Variants in BCL10 observed in about 807,000 individuals in gnomAD.
The protein encoded by BCL10 is B-cell lymphoma/leukemia 10.
BCL10 carries 5 observed loss-of-function variants against 19.2 expected under a neutral mutation model. That is an observed-to-expected ratio of 0.26 (90% CI 0.14 to 0.55). BCL10 has a LOEUF of 0.55. Ranked by LOEUF, BCL10 falls within the 20% of genes least tolerant of loss-of-function variation. The probability of loss-of-function intolerance (pLI) is 0.94; values close to 1 mark genes in which losing one functional copy is unlikely to be tolerated. For missense variants in BCL10, 201 were observed against 271.9 expected, an observed-to-expected ratio of 0.74 and a Z score of 1.83; for synonymous variants, 110 against 98.8, an observed-to-expected ratio of 1.11 and a Z score of -0.67.
At chr1:85,271,506 G>GA (rs1311445802) in intron 1 of BCL10, among the ~76,000 whole-genome samples, 1 of 151,878 alleles carries the variant, frequency 6.6e-6, no homozygotes, top group Non-Finnish European at 1.5e-5. Context: ...GGGAGTGTTC[G>GA]AAAAATGAAA....
Position 85,266,304 on chromosome 1 carries a change from TTAA to T in BCL10, c.*1320_*1322del, listed in dbSNP as rs1289824605. 3 of 185,028 alleles carry T rather than the reference TTAA, an allele frequency of 1.6e-5. No individual in the cohort carries two copies. Among genetic ancestry groups the T allele is most frequent in the Non-Finnish European group, 3.4e-5 (3 of 87,328 alleles). The allele number at this position is 185,028 out of a possible 1,614,324, so 11.5% of individuals were successfully genotyped here. A position where few individuals can be genotyped will look rare whatever the true frequency, so the allele number is the denominator to read the frequency against. ...AATTTCCATTTCTATGTTTTTGCAA[TTAA>T]TAATAGAAATATATAGGAGACAATG... On this transcript the variant is annotated 3_prime_UTR_variant, in exon 3 of 3. Transcript: ENST00000648566.
chr1:85,275,409 C>G (rs1660492647), intron 1 of BCL10, among the ~76,000 whole-genome samples: 1 of 152,120 alleles, frequency 6.6e-6, no homozygotes, highest in South Asian at 2.1e-4. Context: ...ATAAACCTTA[C>G]AGGGAAGAGG....
rs1660353173 is a variant in BCL10, at chr1:85,270,862, A to G, written c.102T>C (p.Ala34=). 1 of 1,613,066 alleles carries G rather than the reference A, an allele frequency of 6.2e-7. No homozygotes were observed. The highest frequency in any genetic ancestry group is 8.5e-7 in the Non-Finnish European group (1 of 1,179,998). Residue 34 remains alanine (A), a synonymous_variant, in exon 2 of 3, where the codon GCT becomes GCC. Coordinates refer to ENST00000648566, the MANE Select transcript of BCL10 (RefSeq NM_003921.5). ...LRVYLCEKII[A]ERHFDHLRAK... ...CACGTAGATGATCAAAATGTCTCTC[A>G]GCTATGATTTTCTCACACAGGTATA...
chr1:85,266,562 G>C lies in BCL10; in HGVS notation c.*1065C>G, dbSNP rs1281684333. On this transcript the variant is annotated 3_prime_UTR_variant, in exon 3 of 3. Coordinates refer to ENST00000648566, the MANE Select transcript of BCL10 (RefSeq NM_003921.5). ...TCATTAAAAGAGAATGAAAAGTACA[G>C]AGAAAATATTTTTTAAAAATCTCAT... 1 of 182,490 alleles carries C rather than the reference G, an allele frequency of 5.5e-6. No homozygotes were observed. The highest frequency in any genetic ancestry group is 2.4e-5 in the African/African-American group (1 of 42,496). The allele number at this position is 182,490 out of a possible 1,614,324, so 11.3% of individuals were successfully genotyped here. A position where few individuals can be genotyped will look rare whatever the true frequency, so the allele number is the denominator to read the frequency against.
intron 1 of BCL10, 92 bp from the exon 2 acceptor site, chr1:85,270,998 A>T: frequency 7.6e-7 from 1 of 1,312,018 alleles, no homozygotes; most frequent in Non-Finnish European, 1.1e-6. Flanking sequence ...CTGGTGTGAG[A>T]CAATGTTCTA....
rs550602351 is a variant in BCL10, at chr1:85,269,957, G to C, written c.346+661C>G. On this transcript the variant is annotated intron_variant, in intron 2 of 2. Coordinates refer to ENST00000648566, the MANE Select transcript of BCL10 (RefSeq NM_003921.5). ...TTACTTCATCTTGTGATCAACTGGTGATCATAAGAAAAACTAGCAGAGTTG... is the reference window on the plus strand; with the variant it reads ...TTACTTCATCTTGTGATCAACTGGTCATCATAAGAAAAACTAGCAGAGTTG... 1.2e-3 allele frequency among the ~76,000 whole-genome samples: 177 copies of C among 152,282 alleles called. 2 individuals carry two copies. The highest frequency in any genetic ancestry group is 3.5e-3 in the African/African-American group (145 of 41,574).
Position 85,276,474 on chromosome 1 carries a change from G to T in BCL10, c.-122C>A, listed in dbSNP as rs1060843. On this transcript the variant is annotated 5_prime_UTR_variant, in exon 1 of 3. Transcript: ENST00000648566. Reference sequence around the variant, plus strand: ...AAGGAGAGGAGGCGGAGCGGGTCGGGAGAAAGACGGCCGCCCCTTCGGGAA... The same window carrying T: ...AAGGAGAGGAGGCGGAGCGGGTCGGTAGAAAGACGGCCGCCCCTTCGGGAA... 3.5e-6 allele frequency: 4 copies of T among 1,135,862 alleles called. No homozygotes were observed. In the African/African-American group the frequency reaches 6.1e-5, roughly 17 times the overall value. The allele number at this position is 1,135,862 out of a possible 1,614,324, so 70.4% of individuals were successfully genotyped here.
chr1:85,271,008 A>AG, intron 1 of BCL10, 102 bp from the exon 2 acceptor site: 2 of 1,223,114 alleles, frequency 1.6e-6, no homozygotes, highest in Non-Finnish European at 2.3e-6. Context: ...ACAATGTTCT[A>AG]AAGTCAGGAG....
Position 85,270,534 on chromosome 1 carries a change from A to G in BCL10, c.346+84T>C, listed in dbSNP as rs566490428. ...AGCAATCCTCCTGCCTTGGCCTCCT[A>G]AAGTGCAGGCACCTGGCCTGCTCTG... On this transcript the variant is annotated intron_variant, in intron 2 of 2. Transcript: ENST00000648566. 190 of 1,292,350 alleles carry G rather than the reference A, an allele frequency of 1.5e-4. No homozygotes were observed. The African/African-American group carries it at 2.6e-3, about 17-fold the overall frequency. The allele number at this position is 1,292,350 out of a possible 1,614,324, so 80.1% of individuals were successfully genotyped here. A position where few individuals can be genotyped will look rare whatever the true frequency, so the allele number is the denominator to read the frequency against.
At chr1:85,270,492 C>A (rs1163588046) in intron 2 of BCL10, 126 bp downstream of exon 2, 5 of 866,722 alleles carry the variant, frequency 5.8e-6, no homozygotes, top group Non-Finnish European at 8.7e-6. Context: ...AGGCTGGTCT[C>A]AAAACTCCTG....
intron 1 of BCL10, among the ~76,000 whole-genome samples, chr1:85,272,657 G>A (rs1291802921): frequency 6.6e-6 from 1 of 152,122 alleles, no homozygotes; most frequent in Admixed American, 6.5e-5. Flanking sequence ...TAAGGGCATG[G>A]CTCTAAAGTT....
At position 85,267,085 on chromosome 1, in the gene BCL10, A is replaced by G. The variant is rs981843087; in HGVS notation, c.*542T>C. 5.3e-6 allele frequency: 1 copy of G among 189,512 alleles called. No individual in the cohort carries two copies. The highest frequency in any genetic ancestry group is 1.1e-5 in the Non-Finnish European group (1 of 90,132). 11.7% of individuals were successfully genotyped at this position (189,512 alleles called of 1,614,324 possible). A position where few individuals can be genotyped will look rare whatever the true frequency, so the allele number is the denominator to read the frequency against. Reference sequence around the variant, plus strand: ...ATCTTAGGTGGCTCACACTCCATCAAGTGTTCCTCCAGTATCAAAAAGAGG... The same window carrying G: ...ATCTTAGGTGGCTCACACTCCATCAGGTGTTCCTCCAGTATCAAAAAGAGG... On this transcript the variant is annotated 3_prime_UTR_variant, in exon 3 of 3. Transcript: ENST00000648566.
chr1:85,270,352 A>T (rs1008368901), intron 2 of BCL10, among the ~76,000 whole-genome samples: 13 of 152,240 alleles, frequency 8.5e-5, no homozygotes, highest in African/African-American at 3.1e-4. Flanking sequence ...GGCTCACTAT[A>T]GCCTCAATGT....
At chr1:85,276,232 G>T in intron 1 of BCL10, 64 bp downstream of exon 1, 1 of 1,580,758 alleles carries the variant, frequency 6.3e-7, no homozygotes, top group Non-Finnish European at 8.7e-7. Flanking sequence ...CCAGGCTTCC[G>T]CTTTCGTCTC....
In BCL10 at chr1:85,266,876, CAAAAAAA is replaced by C. The variant is rs71650007; in HGVS notation, c.*744_*750del. The C allele has an allele frequency of 2.4e-5, 2 of 83,648 alleles. No individual in the cohort carries two copies. The highest frequency in any genetic ancestry group is 4.5e-5 in the Non-Finnish European group (2 of 44,910). The allele number at this position is 83,648 out of a possible 1,614,324, so 5.2% of individuals were successfully genotyped here. On this transcript the variant is annotated 3_prime_UTR_variant, in exon 3 of 3. Transcript: ENST00000648566. ...CCTGGGCGATAGAGCAAGACTGTCT[CAAAAAAA>C]AAAAAAAAAAAAAAAGAAAAAAGGA... is the stretch of plus-strand genomic sequence containing the variant.
At position 85,267,432 on chromosome 1, in the gene BCL10, G is replaced by A. The variant is rs1007894326; in HGVS notation, c.*195C>T. On this transcript the variant is annotated 3_prime_UTR_variant, in exon 3 of 3. Coordinates refer to ENST00000648566, the MANE Select transcript of BCL10 (RefSeq NM_003921.5). ...AAAAAGAAATTACTAAAAAGTACATGATCAACATGATTTACAGTTAGCTAT... is the reference window on the plus strand; with the variant it reads ...AAAAAGAAATTACTAAAAAGTACATAATCAACATGATTTACAGTTAGCTAT... 8 of 488,656 alleles carry A rather than the reference G, an allele frequency of 1.6e-5. No homozygotes were observed. The highest frequency in any genetic ancestry group is 1.5e-4 in the Admixed American group (4 of 26,296). 30.3% of individuals were successfully genotyped at this position (488,656 alleles called of 1,614,324 possible).
chr1:85,271,605 C>G (rs1485006603), intron 1 of BCL10, among the ~76,000 whole-genome samples: 2 of 152,128 alleles, frequency 1.3e-5, no homozygotes, highest in Non-Finnish European at 2.9e-5. Context: ...ATGTTGATCT[C>G]AATAAATGGC....
At chr1:85,272,137 G>C (rs1373896199) in intron 1 of BCL10, among the ~76,000 whole-genome samples, 1 of 152,164 alleles carries the variant, frequency 6.6e-6, no homozygotes, top group Admixed American at 6.5e-5. Context: ...ATCTGGCATG[G>C]ACTATTAACA....
In BCL10 at chr1:85,270,618, C is replaced by T. The variant is rs578093714; in HGVS notation, c.346G>A (p.Gly116Arg). The change falls in exon 2 of 3, where the codon GGA becomes AGA. Residue 116 changes from glycine (G) to arginine (R), a missense_variant and splice_region_variant. Gly to Arg is a moderately radical substitution (Grantham distance 125, BLOSUM62 -2). Transcript: ENST00000648566. ...LRNIKLEHLK[G>R]LKCSSCEPFP... The stretch of plus-strand genomic sequence containing the variant: ...CTCTTAGATAATTAAGATATCTTAC[C>T]TTTCAGATGTTCTAGTTTTATATTT... 6.3e-7 allele frequency: 1 copy of T among 1,591,988 alleles called. No individual in the cohort carries two copies. Among genetic ancestry groups the T allele is most frequent in the African/African-American group, 1.4e-5 (1 of 73,470 alleles).
Sources: allele counts gnomAD v4.1 joint callset (sites outside exome capture counted in the v4.1 genomes callset), GRCh38; gene constraint gnomAD v4.1.1; transcripts MANE v1.5; gene names NCBI Gene and HGNC (gene_info 2026-07-23, HGNC 2026-07-21).